ROBO2: variants seen among roughly 807,000 people sequenced by gnomAD.
The protein encoded by ROBO2 is roundabout homolog 2.
Under a neutral mutation model 160.8 loss-of-function variants are expected in ROBO2, and 53 were observed. The ratio of observed to expected loss-of-function variants is 0.33; its 90% confidence interval spans 0.26 to 0.41. ROBO2 has a LOEUF of 0.41. Ranked by LOEUF, ROBO2 falls within the 10% of genes least tolerant of loss-of-function variation. The pLI is 1.00. For synonymous variants in ROBO2, 664 were observed against 611.7 expected, an observed-to-expected ratio of 1.09 and a Z score of -1.26; for missense variants, 1,577 against 1,722.4, an observed-to-expected ratio of 0.92 and a Z score of 1.49.
At chr3:77,545,436 G>C (rs1293249830) in intron 6 of ROBO2, among the ~76,000 whole-genome samples, 2 of 152,014 alleles carry the variant, frequency 1.3e-5, no homozygotes, top group Non-Finnish European at 2.9e-5. Context: ...ACAACACCAA[G>C]GGATTTCTTT....
chr3:77,380,050 T>C (rs1367921186), intron 2 of ROBO2, among the ~76,000 whole-genome samples: 2 of 152,194 alleles, frequency 1.3e-5, no homozygotes, highest in Non-Finnish European at 2.9e-5. Context: ...TCTAAAGCAC[T>C]CTTTCTGTTC....
At chr3:77,433,348 G>C (rs1410645851) in intron 2 of ROBO2, among the ~76,000 whole-genome samples, 1 of 151,256 alleles carries the variant, frequency 6.6e-6, no homozygotes, top group Non-Finnish European at 1.5e-5. Flanking sequence ...GTCCTAAACT[G>C]TTCTGTATTG....
At chr3:76,438,654 T>G (rs1234788591) in intron 2 of ROBO2, among the ~76,000 whole-genome samples, 1 of 152,006 alleles carries the variant, frequency 6.6e-6, no homozygotes, top group East Asian at 1.9e-4. Flanking sequence ...TTTATACAAG[T>G]ATAAGTGTAA....
intron 2 of ROBO2, among the ~76,000 whole-genome samples, chr3:77,332,161 A>C (rs992647804): frequency 6.6e-6 from 1 of 152,246 alleles, no homozygotes; most frequent in Non-Finnish European, 1.5e-5. Context: ...ATTGTGTACT[A>C]TATTAATATA....
At chr3:76,263,124 C>T (rs1466734937) in intron 2 of ROBO2, among the ~76,000 whole-genome samples, 1 of 152,064 alleles carries the variant, frequency 6.6e-6, no homozygotes, top group East Asian at 1.9e-4. Context: ...GCATTGTTCT[C>T]CTGGTTACTA....
At chr3:77,080,895 T>C (rs1014940410) in intron 1 of ROBO2, among the ~76,000 whole-genome samples, 60 of 152,350 alleles carry the variant, frequency 3.9e-4, no homozygotes, top group African/African-American at 1.4e-3. Flanking sequence ...GATTACATAA[T>C]TATGTATATT....
chr3:76,279,165 G>A (rs1306739927), intron 2 of ROBO2, among the ~76,000 whole-genome samples: 7 of 150,822 alleles, frequency 4.6e-5, no homozygotes, highest in East Asian at 1.9e-4. Context: ...GTGTGTGTAC[G>A]AGAGAGAGAG....
chr3:76,500,161 C>T lies in ROBO2; in HGVS notation c.109+562559C>T, dbSNP rs552548928. Among the ~76,000 whole-genome samples the T allele has an allele frequency of 8.5e-5, 13 of 152,128 alleles. 1 individual carries two copies. The South Asian group carries it at 1.9e-3, about 22-fold the overall frequency. On this transcript the variant is annotated intron_variant, in intron 2 of 26. Coordinates refer to the ROBO2 transcript ENST00000487694. ...TTAGAGATAATCTCAATCTGTCACC[C>T]GGGTTGGAGTGCAATGACACAATCA...
intron 2 of ROBO2, among the ~76,000 whole-genome samples, chr3:76,789,159 A>C (rs142508371): frequency 7.5e-4 from 113 of 151,570 alleles, no homozygotes; most frequent in African/African-American, 2.7e-3. Context: ...CACAAAGAAC[A>C]CTGTATCCTT....
At chr3:77,070,364 T>G (rs2149831009) in intron 1 of ROBO2, among the ~76,000 whole-genome samples, 1 of 152,284 alleles carries the variant, frequency 6.6e-6, no homozygotes, top group Non-Finnish European at 1.5e-5. Flanking sequence ...TGTGGCAGTA[T>G]AACTCTATCT....
intron 2 of ROBO2, among the ~76,000 whole-genome samples, chr3:77,213,059 G>C (rs930216821): frequency 2.0e-5 from 3 of 151,900 alleles, no homozygotes; most frequent in Non-Finnish European, 4.4e-5. Flanking sequence ...TGTCTCTGCC[G>C]GGCTTTGGTA....
chr3:77,301,042 T>A (rs938744835), intron 2 of ROBO2, among the ~76,000 whole-genome samples: 6 of 150,608 alleles, frequency 4.0e-5, no homozygotes, highest in Non-Finnish European at 8.8e-5. Flanking sequence ...CTAACTTTTG[T>A]ATTTTTAGTA....
At chr3:77,022,292 C>T (rs2062686513) in intron 2 of ROBO2, among the ~76,000 whole-genome samples, 3 of 152,182 alleles carry the variant, frequency 2.0e-5, no homozygotes, top group Admixed American at 6.5e-5. Flanking sequence ...ATTGCTTGAA[C>T]CCATGACGCG....
intron 5 of ROBO2, among the ~76,000 whole-genome samples, chr3:77,497,513 G>A (rs768580207): frequency 1.3e-5 from 2 of 152,074 alleles, no homozygotes; most frequent in Non-Finnish European, 2.9e-5. Context: ...ACTGTTATCA[G>A]TTCTTTAGTT....
intron 2 of ROBO2, among the ~76,000 whole-genome samples, chr3:76,694,196 CTGAA>C (rs1422532394): frequency 6.6e-6 from 1 of 152,182 alleles, no homozygotes; most frequent in Non-Finnish European, 1.5e-5. Context: ...TTGCATACTA[CTGAA>C]TGTTAGCATG....
intron 23 of ROBO2, chr3:77,630,626 T>G (rs955655398): frequency 1.3e-5 from 2 of 152,046 alleles, no homozygotes; most frequent in Non-Finnish European, 2.9e-5. Flanking sequence ...ATTAGAAGTT[T>G]AGATATGGCA....
intron 2 of ROBO2, among the ~76,000 whole-genome samples, chr3:76,212,168 T>A (rs1703186305): frequency 6.6e-6 from 1 of 151,992 alleles, no homozygotes; most frequent in Non-Finnish European, 1.5e-5. Context: ...ACAAATTTTA[T>A]AACATTCTTT....
At chr3:76,200,492 A>G (rs1182533209) in intron 2 of ROBO2, among the ~76,000 whole-genome samples, 1 of 152,138 alleles carries the variant, frequency 6.6e-6, no homozygotes, top group Non-Finnish European at 1.5e-5. Context: ...TATGTCAAAG[A>G]GGCATATTTG....
intron 2 of ROBO2, among the ~76,000 whole-genome samples, chr3:76,118,170 GA>G (rs1283254821): frequency 6.6e-6 from 1 of 151,658 alleles, no homozygotes; most frequent in African/African-American, 2.4e-5. Context: ...TTTGAAAAGA[GA>G]AAAAAAATAG....
Sources: allele counts gnomAD v4.1 joint callset (sites outside exome capture counted in the v4.1 genomes callset), GRCh38; gene constraint gnomAD v4.1.1; transcripts MANE v1.5; gene names NCBI Gene and HGNC (gene_info 2026-07-23, HGNC 2026-07-21).